The following CCDC6 variants were observed in gnomAD, a reference collection of about 807,000 sequenced individuals.
The protein encoded by CCDC6 is coiled-coil domain containing 6.
CCDC6 carries 20 observed loss-of-function variants against 56.6 expected under a neutral mutation model. The ratio of observed to expected loss-of-function variants is 0.35; its 90% CI spans 0.25 to 0.51. The LOEUF is 0.51. Ranked by LOEUF, CCDC6 falls within the 20% of genes least tolerant of loss-of-function variation. CCDC6 has a pLI of 0.95. For missense variants in CCDC6, 367 were observed against 601.1 expected, an observed-to-expected ratio of 0.61 and a Z score of 4.07; for synonymous variants, 241 against 234.4, an observed-to-expected ratio of 1.03 and a Z score of -0.26.
chr10:59,871,227 T>C (rs190000010), intron 1 of CCDC6, among the ~76,000 whole-genome samples: 23 of 152,214 alleles, frequency 1.5e-4, no homozygotes, highest in African/African-American at 5.1e-4. Flanking sequence ...TTAATAGAAC[T>C]GTGTCTAAGA....
chr10:59,859,562 T>G (rs73263477), intron 1 of CCDC6, among the ~76,000 whole-genome samples: 2 of 152,236 alleles, frequency 1.3e-5, no homozygotes, highest in Non-Finnish European at 1.5e-5. Flanking sequence ...ATAGCAAATC[T>G]GACACCACTG....
intron 1 of CCDC6, among the ~76,000 whole-genome samples, chr10:59,861,432 CAAAAA>C (rs55716341): frequency 7.3e-4 from 65 of 88,952 alleles, no homozygotes; most frequent in African/African-American, 2.5e-3. Context: ...CAAAAATTAC[CAAAAA>C]AAAAAAAAAA....
rs532662723 is a variant in CCDC6, at chr10:59,792,689, T to C, written c.*228A>G. ...GTTCCAGCCAGGGAATGGACGTACA[T>C]GAAGATTCAAGTAAAACACTGATGG... On this transcript the variant is annotated 3_prime_UTR_variant, in exon 9 of 9. Coordinates refer to ENST00000263102, the MANE Select transcript of CCDC6 (RefSeq NM_005436.5). 56 of 756,350 alleles carry C rather than the reference T, an allele frequency of 7.4e-5. No individual in the cohort carries two copies. The highest frequency in any genetic ancestry group is 1.9e-4 in the Admixed American group (11 of 58,636). The allele number at this position is 756,350 out of a possible 1,614,324, so 46.9% of individuals were successfully genotyped here. A position where few individuals can be genotyped will look rare whatever the true frequency, so the allele number is the denominator to read the frequency against.
chr10:59,902,115 A>G (rs944231732), intron 1 of CCDC6, among the ~76,000 whole-genome samples: 4 of 152,304 alleles, frequency 2.6e-5, no homozygotes, highest in South Asian at 2.1e-4. Context: ...ACACGACTGA[A>G]AGACTGCTTA....
chr10:59,825,577 C>T (rs1159990904), intron 3 of CCDC6, among the ~76,000 whole-genome samples: 2 of 152,184 alleles, frequency 1.3e-5, no homozygotes, highest in African/African-American at 4.8e-5. Flanking sequence ...AGCCACTAGC[C>T]ACTGAGTTCA....
At chr10:59,905,527 T>C (rs997438240) in intron 1 of CCDC6, among the ~76,000 whole-genome samples, 19 of 151,958 alleles carry the variant, frequency 1.3e-4, no homozygotes, top group African/African-American at 4.4e-4. Flanking sequence ...CCAACAGAGG[T>C]GGGAGCATTA....
intron 2 of CCDC6, among the ~76,000 whole-genome samples, chr10:59,848,537 G>C (rs758496962): frequency 6.6e-6 from 1 of 152,142 alleles, no homozygotes; most frequent in Non-Finnish European, 1.5e-5. Flanking sequence ...AATTAGCTGG[G>C]CATGGTGGTG....
At chr10:59,836,272 G>T (rs192357229) in intron 2 of CCDC6, among the ~76,000 whole-genome samples, 4 of 152,018 alleles carry the variant, frequency 2.6e-5, no homozygotes, top group African/African-American at 9.7e-5. Context: ...TTCAAGCAAC[G>T]TGGCTCCAAT....
chr10:59,872,054 G>A (rs2071234386), intron 1 of CCDC6, among the ~76,000 whole-genome samples: 1 of 152,154 alleles, frequency 6.6e-6, no homozygotes. Flanking sequence ...TAACCTCTGT[G>A]CTTACACATT....
At chr10:59,862,516 T>TATAC (rs1554886091) in intron 1 of CCDC6, among the ~76,000 whole-genome samples, 5,175 of 96,958 alleles carry the variant, frequency 0.053, 243 homozygotes, top group Non-Finnish European at 0.063. Context: ...TATATATATA[T>TATAC]ACACACACAC....
chr10:59,797,178 C>A (rs898125320), intron 7 of CCDC6, among the ~76,000 whole-genome samples: 3 of 152,064 alleles, frequency 2.0e-5, no homozygotes, highest in African/African-American at 7.2e-5. Flanking sequence ...CCTGGTTCCA[C>A]TTATATGAGG....
intron 1 of CCDC6, among the ~76,000 whole-genome samples, chr10:59,895,916 G>A (rs966032625): frequency 6.6e-6 from 1 of 152,164 alleles, no homozygotes; most frequent in African/African-American, 2.4e-5. Context: ...GTGGATAGGC[G>A]ACCATGTCTA....
At chr10:59,885,218 C>G (rs2071373629) in intron 1 of CCDC6, among the ~76,000 whole-genome samples, 1 of 152,058 alleles carries the variant, frequency 6.6e-6, no homozygotes, top group South Asian at 2.1e-4. Context: ...ATACTTCCAT[C>G]TTCATTCTTT....
rs546859442 is a variant in CCDC6, at chr10:59,866,851, G to A, written c.304-14149C>T. Among the ~76,000 whole-genome samples the A allele has an allele frequency of 1.1e-3, 163 of 152,156 alleles. 1 individual carries two copies. Among genetic ancestry groups the A allele is most frequent in the Non-Finnish European group, 2.0e-3 (134 of 68,010 alleles). On this transcript the variant is annotated intron_variant, in intron 1 of 8. Transcript: ENST00000263102. The stretch of plus-strand genomic sequence containing the variant: ...TCCCACAAAAGTCAACATTATTTAC[G>A]CTGCTGTCAGTGCCTGAACATCACA...
chr10:59,890,332 C>T (rs2071412556), intron 1 of CCDC6, among the ~76,000 whole-genome samples: 3 of 152,172 alleles, frequency 2.0e-5, no homozygotes, highest in East Asian at 1.9e-4. Flanking sequence ...AACTGAGAGC[C>T]GCTGAGGAAG....
intron 2 of CCDC6, among the ~76,000 whole-genome samples, chr10:59,843,668 TCAG>T (rs761846012): frequency 2.0e-5 from 3 of 152,240 alleles, no homozygotes; most frequent in Non-Finnish European, 2.9e-5. Flanking sequence ...TGAAAATTTA[TCAG>T]CAGGAGAAGC....
intron 3 of CCDC6, among the ~76,000 whole-genome samples, chr10:59,824,002 GCTGCCTCTC>G (rs1451856298): frequency 2.6e-5 from 4 of 152,180 alleles, no homozygotes; most frequent in Non-Finnish European, 5.9e-5. Context: ...ATCATGATGA[GCTGCCTCTC>G]CTTTGACACA....
chr10:59,794,586 C>CAT lies in CCDC6; in HGVS notation c.1115_1116dup (p.Ala373MetfsTer14), dbSNP rs2070497368. On this transcript the variant is annotated frameshift_variant, in exon 8 of 9. Coordinates refer to ENST00000263102, the MANE Select transcript of CCDC6 (RefSeq NM_005436.5). LOFTEE classifies it high-confidence loss of function. ...GGCGTGAAACCAACCGTGTGACTTGCATATGATAGACCTAAAATATAACAA... is the reference window on the plus strand; with the variant it reads ...GGCGTGAAACCAACCGTGTGACTTGCATATATGATAGACCTAAAATATAACAA... 6.2e-7 allele frequency: 1 copy of CAT among 1,613,560 alleles called. No homozygotes were observed. Among genetic ancestry groups the CAT allele is most frequent in the Non-Finnish European group, 8.5e-7 (1 of 1,179,670 alleles).
intron 3 of CCDC6, among the ~76,000 whole-genome samples, chr10:59,818,454 T>C (rs2070724652): frequency 7.3e-6 from 1 of 136,942 alleles, no homozygotes; most frequent in Admixed American, 7.7e-5. Flanking sequence ...TCAAGTACAG[T>C]AGGTCCTTGA....
Sources: allele counts gnomAD v4.1 joint callset (sites outside exome capture counted in the v4.1 genomes callset), GRCh38; gene constraint gnomAD v4.1.1; transcripts MANE v1.5; gene names NCBI Gene and HGNC (gene_info 2026-07-23, HGNC 2026-07-21).